SLC24A2: variants seen among roughly 807,000 people sequenced by gnomAD.
SLC24A2 encodes the protein solute carrier family 24 member 2, also known as sodium/potassium/calcium exchanger 2.
Under a neutral mutation model 62.0 loss-of-function variants are expected in SLC24A2, and 36 were observed. That is an observed-to-expected ratio of 0.58 (90% confidence interval 0.44 to 0.77). SLC24A2 has a LOEUF of 0.77. SLC24A2 is among the 30% of genes least tolerant of loss of function. SLC24A2 has a pLI of 0.00. For synonymous variants in SLC24A2, 358 were observed against 294.0 expected (o/e 1.22, Z -2.23); for missense variants, 846 against 817.9 (o/e 1.03, Z -0.42).
the SLC24A2 span, among the ~76,000 whole-genome samples, chr9:20,231,154 A>G: frequency 6.6e-6 from 1 of 152,108 alleles, no homozygotes; most frequent in Non-Finnish European, 1.5e-5. Context: ...GTATACTTTG[A>G]AGTCAGGTAG....
chr9:19,530,261 CTG>C (rs1006784371), intron 8 of SLC24A2, among the ~76,000 whole-genome samples: 4 of 152,042 alleles, frequency 2.6e-5, no homozygotes, highest in Non-Finnish European at 5.9e-5. Flanking sequence ...TCTTCCATGG[CTG>C]TGCTCTGTTA....
chr9:20,086,379 C>G, the SLC24A2 span, among the ~76,000 whole-genome samples: 4 of 152,128 alleles, frequency 2.6e-5, no homozygotes, highest in Non-Finnish European at 5.9e-5. Flanking sequence ...CATTGCATAG[C>G]ACAGGACTCA....
intron 2 of SLC24A2, among the ~76,000 whole-genome samples, chr9:19,684,464 T>A (rs528895200): frequency 2.6e-5 from 4 of 152,022 alleles, no homozygotes; most frequent in African/African-American, 4.8e-5. Flanking sequence ...TCCTGAAGCA[T>A]TCAGGACATG....
chr9:19,779,451 T>A (rs1250170198), intron 2 of SLC24A2, among the ~76,000 whole-genome samples: 1 of 152,182 alleles, frequency 6.6e-6, no homozygotes, highest in Non-Finnish European at 1.5e-5. Context: ...AGTGGAATAT[T>A]ATTATCGAAA....
the SLC24A2 span, among the ~76,000 whole-genome samples, chr9:19,861,353 C>A: frequency 4.6e-5 from 7 of 152,346 alleles, no homozygotes; most frequent in South Asian, 1.0e-3. Flanking sequence ...AGTACCTCTA[C>A]AAGTCTGCAA....
At chr9:19,614,112 T>C (rs1441500413) in intron 4 of SLC24A2, among the ~76,000 whole-genome samples, 2 of 152,176 alleles carry the variant, frequency 1.3e-5, no homozygotes, top group Non-Finnish European at 2.9e-5. Context: ...GTTTTTAGGT[T>C]CATGAAGATG....
At chr9:20,103,166 G>A in the SLC24A2 span, among the ~76,000 whole-genome samples, 28 of 152,344 alleles carry the variant, frequency 1.8e-4, no homozygotes, top group African/African-American at 6.3e-4. Context: ...CCATTGCCCA[G>A]GCTTGCTTAG....
chr9:19,780,872 C>CAA (rs373405657), intron 2 of SLC24A2, among the ~76,000 whole-genome samples: 509 of 33,248 alleles, frequency 0.015, 1 homozygote, highest in Middle Eastern at 0.065. Flanking sequence ...GACTCCGTCT[C>CAA]AAAAAAAAAA....
At chr9:19,755,598 G>C (rs562193997) in intron 2 of SLC24A2, among the ~76,000 whole-genome samples, 95 of 152,304 alleles carry the variant, frequency 6.2e-4, no homozygotes, top group Middle Eastern at 6.8e-3. Context: ...CGGTGCTGAA[G>C]GATAGAGGAA....
At chr9:19,525,820 T>C (rs1299519937) in intron 9 of SLC24A2, among the ~76,000 whole-genome samples, 1 of 151,462 alleles carries the variant, frequency 6.6e-6, no homozygotes, top group Non-Finnish European at 1.5e-5. Context: ...AAGTGATATC[T>C]TGGATTAGTT....
At chr9:19,649,020 C>A (rs201323160) in intron 2 of SLC24A2, among the ~76,000 whole-genome samples, 24,939 of 99,930 alleles carry the variant, frequency 0.25, 2,256 homozygotes, top group Middle Eastern at 0.32. Flanking sequence ...AAAAAAAAAA[C>A]AAAAAACCCA....
the SLC24A2 span, among the ~76,000 whole-genome samples, chr9:19,995,642 CCTT>C: frequency 4.6e-5 from 7 of 152,228 alleles, no homozygotes; most frequent in Non-Finnish European, 1.0e-4. Flanking sequence ...AACTCTTTGA[CCTT>C]CTTTACAGAA....
chr9:20,035,391 T>G, the SLC24A2 span, among the ~76,000 whole-genome samples: 2 of 152,202 alleles, frequency 1.3e-5, no homozygotes, highest in African/African-American at 4.8e-5. Flanking sequence ...TTAAGATGTA[T>G]AAGTTTGCCA....
chr9:20,239,047 T>C, the SLC24A2 span, among the ~76,000 whole-genome samples: 1 of 152,212 alleles, frequency 6.6e-6, no homozygotes, highest in Non-Finnish European at 1.5e-5. Context: ...ACCTTGGACT[T>C]CTAGCCTCCA....
intron 2 of SLC24A2, among the ~76,000 whole-genome samples, chr9:19,747,661 G>A (rs1248647705): frequency 6.6e-6 from 1 of 152,168 alleles, no homozygotes; most frequent in Non-Finnish European, 1.5e-5. Flanking sequence ...CTTTTACTAT[G>A]AGTGTCTTCT....
At chr9:20,167,827 C>G in the SLC24A2 span, among the ~76,000 whole-genome samples, 6 of 151,956 alleles carry the variant, frequency 3.9e-5, no homozygotes, top group Admixed American at 2.6e-4. Context: ...TCAAGCAATC[C>G]TCCCACCTCA....
chr9:19,854,711 T>A, the SLC24A2 span, among the ~76,000 whole-genome samples: 1 of 152,206 alleles, frequency 6.6e-6, no homozygotes, highest in Non-Finnish European at 1.5e-5. Flanking sequence ...TTACTTCCAA[T>A]TATGTGATCA....
chr9:19,755,347 T>G (rs1587273825), intron 2 of SLC24A2, among the ~76,000 whole-genome samples: 1 of 152,206 alleles, frequency 6.6e-6, no homozygotes. Flanking sequence ...ATCAATTCTC[T>G]GTGAGCACAA....
the SLC24A2 span, among the ~76,000 whole-genome samples, chr9:20,262,589 C>G: frequency 6.6e-6 from 1 of 152,228 alleles, no homozygotes; most frequent in African/African-American, 2.4e-5. Context: ...GAAATAACCT[C>G]TAATATCTAC....
Sources: gnomAD v4.1 joint callset for allele counts (sites outside exome capture counted in the v4.1 genomes callset) on GRCh38, gnomAD v4.1.1 for gene constraint, MANE v1.5 for transcripts, NCBI Gene and HGNC (gene_info 2026-07-23, HGNC 2026-07-21) for gene names.